GPR63: variants seen among roughly 807,000 people sequenced by gnomAD.
GPR63 encodes probable G protein-coupled receptor 63.
In GPR63, 12 loss-of-function variants were observed where a neutral mutation model predicts 23.1. The ratio of observed to expected loss-of-function variants is 0.52; its 90% CI spans 0.33 to 0.84. GPR63 has a LOEUF of 0.84. Among genes scored for constraint, GPR63 ranks in the 40% least tolerant of loss-of-function variants. GPR63 has a pLI of 0.02. For synonymous variants in GPR63, 172 were observed against 191.1 expected (o/e 0.90, Z 0.82); for missense variants, 472 against 515.6 (o/e 0.92, Z 0.82).
intron 1 of GPR63, among the ~76,000 whole-genome samples, chr6:96,811,107 G>A (rs943771257): frequency 9.2e-5 from 14 of 152,188 alleles, no homozygotes; most frequent in African/African-American, 3.1e-4. Context: ...GCTCCCAGCA[G>A]AGACATCCCA....
chr6:96,806,681 T>C (rs1176682683), intron 1 of GPR63, among the ~76,000 whole-genome samples: 1 of 152,134 alleles, frequency 6.6e-6, no homozygotes, highest in Non-Finnish European at 1.5e-5. Flanking sequence ...TACAGTTGGG[T>C]TTGCATGGAG....
chr6:96,799,280 T>A lies in GPR63; in HGVS notation c.452A>T (p.Lys151Ile). ...CATAGCAGATACCCTACAGAAGAAT[T>A]TCCCAAAAATCCATCGGGTAGTAAG... ...TILTTRWIFG[K>I]FFCRVSAMFF... The change falls in exon 2 of 2, where the codon AAA (lysine) becomes ATA (isoleucine). Residue 151 changes from lysine (K) to isoleucine (I), a missense_variant. By Grantham distance (102) the Lys-to-Ile change is moderately radical. Coordinates refer to ENST00000229955, the MANE Select transcript of GPR63 (RefSeq NM_030784.4). 1 of 1,614,038 alleles carries A rather than the reference T, an allele frequency of 6.2e-7. No individual in the cohort carries two copies. The highest frequency in any genetic ancestry group is 8.5e-7 in the Non-Finnish European group (1 of 1,179,998).
intron 1 of GPR63, among the ~76,000 whole-genome samples, chr6:96,816,691 G>C (rs987490302): frequency 6.6e-6 from 1 of 152,198 alleles, no homozygotes; most frequent in Admixed American, 6.5e-5. Context: ...AGCCTGCAAA[G>C]TGGCAGCTGA....
chr6:96,820,820 C>T (rs1308355648), intron 1 of GPR63, among the ~76,000 whole-genome samples: 1 of 152,122 alleles, frequency 6.6e-6, no homozygotes, highest in Non-Finnish European at 1.5e-5. Context: ...TTTCCTTAAT[C>T]TACCACAAAT....
intron 1 of GPR63, among the ~76,000 whole-genome samples, chr6:96,828,189 C>T (rs1358116384): frequency 6.6e-6 from 1 of 152,032 alleles, no homozygotes; most frequent in Non-Finnish European, 1.5e-5. Flanking sequence ...AAGGTACTAT[C>T]GGGATGCATT....
At position 96,799,747 on chromosome 6, in the gene GPR63, G is replaced by T. The variant is rs1231250253; in HGVS notation, c.-16C>A. 1 of 1,613,982 alleles carries T rather than the reference G, an allele frequency of 6.2e-7. No individual in the cohort carries two copies. Among genetic ancestry groups the T allele is most frequent in the South Asian group, 1.1e-5 (1 of 91,076 alleles). On this transcript the variant is annotated 5_prime_UTR_variant, in exon 2 of 2. Transcript: ENST00000229955. ...AGAAGACCATGGTTTCAGTAGGATG[G>T]AAGATGCAAGCAGAGATGCAGGAGT...
At chr6:96,830,687 A>T (rs1774558200) in intron 1 of GPR63, among the ~76,000 whole-genome samples, 1 of 152,230 alleles carries the variant, frequency 6.6e-6, no homozygotes, top group African/African-American at 2.4e-5. Context: ...AAAATGAAAA[A>T]TGCAAATATA....
chr6:96,824,576 C>T (rs1774390940), intron 1 of GPR63, among the ~76,000 whole-genome samples: 2 of 149,082 alleles, frequency 1.3e-5, no homozygotes, highest in Non-Finnish European at 3.0e-5. Flanking sequence ...TCACTCCCCA[C>T]CAAAAATACG....
chr6:96,809,223 T>C (rs1773978553), intron 1 of GPR63, among the ~76,000 whole-genome samples: 1 of 152,110 alleles, frequency 6.6e-6, no homozygotes, highest in Non-Finnish European at 1.5e-5. Context: ...ACAACTTCCA[T>C]CTCTAACCCC....
At chr6:96,832,315 A>G (rs1409356373) in intron 1 of GPR63, among the ~76,000 whole-genome samples, 1 of 150,806 alleles carries the variant, frequency 6.6e-6, no homozygotes, top group African/African-American at 2.4e-5. Context: ...TCCTGGCTGG[A>G]GTGCAATGGT....
chr6:96,835,886 C>A (rs1257172292), intron 1 of GPR63, among the ~76,000 whole-genome samples: 1 of 152,148 alleles, frequency 6.6e-6, no homozygotes, highest in Admixed American at 6.5e-5. Flanking sequence ...TGGTAGTATA[C>A]TTTTCACACA....
At chr6:96,806,443 C>T (rs1773900544) in intron 1 of GPR63, among the ~76,000 whole-genome samples, 1 of 152,138 alleles carries the variant, frequency 6.6e-6, no homozygotes, top group Admixed American at 6.6e-5. Flanking sequence ...TTTGAGTAAT[C>T]AGTAATAATA....
At chr6:96,801,300 A>T (rs1289544682) in intron 1 of GPR63, among the ~76,000 whole-genome samples, 2 of 151,628 alleles carry the variant, frequency 1.3e-5, no homozygotes, top group African/African-American at 4.9e-5. Context: ...CCTGGGTTCA[A>T]GCGGTTCTCC....
chr6:96,833,939 T>G (rs1013965793), intron 1 of GPR63, among the ~76,000 whole-genome samples: 1 of 152,168 alleles, frequency 6.6e-6, no homozygotes, highest in African/African-American at 2.4e-5. Flanking sequence ...CCCCCATACC[T>G]GCAAATATAC....
At chr6:96,819,686 A>C (rs960174752) in intron 1 of GPR63, among the ~76,000 whole-genome samples, 3 of 151,928 alleles carry the variant, frequency 2.0e-5, no homozygotes, top group African/African-American at 7.3e-5. Flanking sequence ...AGTAAAATAA[A>C]ATAAAAAGAA....
intron 1 of GPR63, among the ~76,000 whole-genome samples, chr6:96,828,303 T>A (rs1023907211): frequency 6.6e-6 from 1 of 152,002 alleles, no homozygotes; most frequent in African/African-American, 2.4e-5. Context: ...TCCACAGAGA[T>A]CTTATTGGAT....
intron 1 of GPR63, among the ~76,000 whole-genome samples, chr6:96,822,740 T>C (rs999163049): frequency 2.0e-5 from 3 of 152,192 alleles, no homozygotes; most frequent in Non-Finnish European, 4.4e-5. Context: ...TTATGTAACT[T>C]ACAAGTTTAT....
intron 1 of GPR63, among the ~76,000 whole-genome samples, chr6:96,814,800 G>A (rs1221769933): frequency 6.6e-6 from 1 of 152,014 alleles, no homozygotes; most frequent in Non-Finnish European, 1.5e-5. Flanking sequence ...GGCAGCATGA[G>A]AGCCAATAAT....
chr6:96,811,655 T>C (rs1774046772), intron 1 of GPR63, among the ~76,000 whole-genome samples: 1 of 152,140 alleles, frequency 6.6e-6, no homozygotes, highest in African/African-American at 2.4e-5. Flanking sequence ...GTGTATCACA[T>C]ATAAATTTAT....
Sources: allele counts gnomAD v4.1 joint callset (sites outside exome capture counted in the v4.1 genomes callset), GRCh38; gene constraint gnomAD v4.1.1; transcripts MANE v1.5; gene names NCBI Gene and HGNC (gene_info 2026-07-23, HGNC 2026-07-21).